CHD9NB: variants seen among roughly 807,000 people sequenced by gnomAD.
CHD9NB encodes CHD9 neighbor protein.
the CHD9NB span, among the ~76,000 whole-genome samples, chr16:53,051,752 A>T: frequency 2.8e-5 from 4 of 140,616 alleles, no homozygotes; most frequent in South Asian, 6.7e-4. Context: ...CCTGTACCCT[A>T]CAACTTAAAA....
the CHD9NB span, among the ~76,000 whole-genome samples, chr16:53,036,738 C>T: frequency 1.4e-4 from 21 of 152,284 alleles, no homozygotes; most frequent in Non-Finnish European, 2.6e-4. Flanking sequence ...AAACTCATAC[C>T]CTGTAGTTCA....
the CHD9NB span, among the ~76,000 whole-genome samples, chr16:53,051,513 G>T: frequency 6.7e-6 from 1 of 150,042 alleles, no homozygotes; most frequent in Non-Finnish European, 1.5e-5. Context: ...GCAAATGATC[G>T]CAAGGACAAA....
chr16:53,048,891 C>T, the CHD9NB span, among the ~76,000 whole-genome samples: 2 of 152,328 alleles, frequency 1.3e-5, no homozygotes, highest in South Asian at 4.1e-4. Context: ...CAGCTTGAAA[C>T]TAGTAGGTAT....
At chr16:53,043,813 A>C in the CHD9NB span, 4 of 392,460 alleles carry the variant, frequency 1.0e-5, no homozygotes, top group Non-Finnish European at 1.8e-5. Flanking sequence ...TTCCTTATAG[A>C]CTTATCCTCC....
the CHD9NB span, among the ~76,000 whole-genome samples, chr16:53,042,117 C>CA: frequency 6.6e-6 from 1 of 152,120 alleles, no homozygotes; most frequent in Non-Finnish European, 1.5e-5. Flanking sequence ...TTTTTATGGC[C>CA]AAAAAGAAGG....
chr16:53,043,699 A>G, the CHD9NB span: 3 of 234,420 alleles, frequency 1.3e-5, no homozygotes, highest in African/African-American at 2.2e-5. Context: ...CTGGAGCCAG[A>G]ACAGTCTGCT....
the CHD9NB span, among the ~76,000 whole-genome samples, chr16:53,039,049 T>C: frequency 1.6e-4 from 24 of 152,246 alleles, no homozygotes; most frequent in South Asian, 1.5e-3. Context: ...TGCCTTCTAA[T>C]TGGTATTCAT....
the CHD9NB span, among the ~76,000 whole-genome samples, chr16:53,038,246 G>A: frequency 2.6e-5 from 4 of 152,302 alleles, no homozygotes; most frequent in South Asian, 2.1e-4. Flanking sequence ...TGATTAAAAC[G>A]CTAATCTCTT....
At chr16:53,052,211 A>C in the CHD9NB span, among the ~76,000 whole-genome samples, 1 of 148,642 alleles carries the variant, frequency 6.7e-6, no homozygotes, top group African/African-American at 2.5e-5. Flanking sequence ...AAAAAAAAAA[A>C]CAATAAACCC....
the CHD9NB span, chr16:53,043,931 G>C: frequency 2.5e-6 from 1 of 398,516 alleles, no homozygotes; most frequent in Middle Eastern, 6.3e-4. Flanking sequence ...GGTGGGGATT[G>C]TCTCATGGTT....
chr16:53,051,989 G>A, the CHD9NB span, among the ~76,000 whole-genome samples: 4 of 151,052 alleles, frequency 2.6e-5, no homozygotes, highest in Non-Finnish European at 1.5e-5. Context: ...CTTAAACATC[G>A]CAAGTCTCAG....
chr16:53,052,051 C>T, the CHD9NB span, among the ~76,000 whole-genome samples: 1 of 151,474 alleles, frequency 6.6e-6, no homozygotes, highest in African/African-American at 2.4e-5. Flanking sequence ...TGTAGGATTA[C>T]TGTGAAGATT....
At chr16:53,040,216 C>T in the CHD9NB span, among the ~76,000 whole-genome samples, 2 of 151,930 alleles carry the variant, frequency 1.3e-5, no homozygotes, top group Non-Finnish European at 2.9e-5. Flanking sequence ...ATTACAGGCA[C>T]GCACCACCAC....
chr16:53,037,156 G>T, the CHD9NB span, among the ~76,000 whole-genome samples: 1 of 152,146 alleles, frequency 6.6e-6, no homozygotes, highest in Non-Finnish European at 1.5e-5. Context: ...GGATGGTCTT[G>T]ATCTCCTGAC....
chr16:53,044,186 C>A, the CHD9NB span: 1 of 398,568 alleles, frequency 2.5e-6, no homozygotes. Context: ...GATCCAGTGC[C>A]CTTGGATGTT....
chr16:53,048,979 T>C, the CHD9NB span, among the ~76,000 whole-genome samples: 1 of 152,200 alleles, frequency 6.6e-6, no homozygotes, highest in Non-Finnish European at 1.5e-5. Flanking sequence ...AGAAGACATG[T>C]AGCACCACCC....
the CHD9NB span, chr16:53,043,092 A>C: frequency 3.9e-5 from 6 of 152,370 alleles, no homozygotes; most frequent in East Asian, 1.2e-3. Context: ...TGTTGTGTCA[A>C]CATTTATTTG....
the CHD9NB span, among the ~76,000 whole-genome samples, chr16:53,040,651 G>A: frequency 2.0e-5 from 3 of 152,146 alleles, no homozygotes; most frequent in Admixed American, 6.5e-5. Context: ...TGAACACTAA[G>A]GAGTTTGGCA....
chr16:53,051,763 GTATAAATATA>G, the CHD9NB span, among the ~76,000 whole-genome samples: 135 of 87,170 alleles, frequency 1.5e-3, 1 homozygote, highest in African/African-American at 8.1e-3. Context: ...CAACTTAAAA[GTATAAATATA>G]TATATATATA....
Sources: gnomAD v4.1 joint callset for allele counts (sites outside exome capture counted in the v4.1 genomes callset) on GRCh38, gnomAD v4.1.1 for gene constraint, MANE v1.5 for transcripts, NCBI Gene and HGNC (gene_info 2026-07-23, HGNC 2026-07-21) for gene names.